FUT8: variants seen among roughly 807,000 people sequenced by gnomAD.
The protein encoded by FUT8 is fucosyltransferase 8, also known as alpha-(1,6)-fucosyltransferase.
Under a neutral mutation model 71.3 loss-of-function variants are expected in FUT8, and 29 were observed. That is an observed-to-expected ratio of 0.41 (90% confidence interval 0.30 to 0.55). The LOEUF is 0.55. Ranked by LOEUF, FUT8 falls within the 20% of genes least tolerant of loss-of-function variation. The pLI is 0.34. For synonymous variants in FUT8, 254 were observed against 239.3 expected (o/e 1.06, Z -0.57); for missense variants, 544 against 702.1 (o/e 0.77, Z 2.55).
chr14:65,403,410 GA>G, the FUT8 span, among the ~76,000 whole-genome samples: 1 of 152,070 alleles, frequency 6.6e-6, no homozygotes, highest in African/African-American at 2.4e-5. Context: ...ATGGAAACTA[GA>G]AGATCCTGAC....
chr14:65,488,459 A>G (rs1281763593), intron 2 of FUT8: 1 of 152,088 alleles, frequency 6.6e-6, no homozygotes, highest in African/African-American at 2.4e-5. Flanking sequence ...ATTCTCTTCT[A>G]CCTTTTTAAT....
intron 3 of FUT8, among the ~76,000 whole-genome samples, chr14:65,563,976 C>A (rs1039501692): frequency 4.6e-5 from 7 of 151,862 alleles, no homozygotes; most frequent in African/African-American, 1.7e-4. Context: ...GCAAATAGGC[C>A]CATGTTTATA....
Position 65,620,178 on chromosome 14 carries a change from A to AT in FUT8, c.482+3813dup, listed in dbSNP as rs547305378. 3.9e-3 allele frequency among the ~76,000 whole-genome samples: 591 copies of AT among 151,738 alleles called. 4 individuals carry two copies. Among genetic ancestry groups the AT allele is most frequent in the African/African-American group, 0.014 (559 of 41,360 alleles). On this transcript the variant is annotated intron_variant, in intron 5 of 10. Transcript: ENST00000673929. ...TTTAAATTTATTCATTTATTTTATTATTTTTTTTACCAAGTTCTGTTTATG... is the reference window on the plus strand; with the variant it reads ...TTTAAATTTATTCATTTATTTTATTATTTTTTTTTACCAAGTTCTGTTTATG...
At chr14:65,539,482 T>C (rs916723412) in intron 2 of FUT8, among the ~76,000 whole-genome samples, 6 of 152,250 alleles carry the variant, frequency 3.9e-5, no homozygotes, top group African/African-American at 9.6e-5. Flanking sequence ...GAGTGGACTC[T>C]AGAGCTAGCT....
intron 7 of FUT8, among the ~76,000 whole-genome samples, chr14:65,699,158 AC>A (rs1470491094): frequency 1.8e-4 from 16 of 90,940 alleles, no homozygotes; most frequent in African/African-American, 6.0e-4. Flanking sequence ...ACACACACAC[AC>A]ACACACACAC....
intron 6 of FUT8, among the ~76,000 whole-genome samples, chr14:65,648,513 A>G (rs905202884): frequency 1.3e-5 from 2 of 152,218 alleles, no homozygotes; most frequent in African/African-American, 4.8e-5. Flanking sequence ...GTACTCAGGA[A>G]TATACCCCTT....
intron 5 of FUT8, 102 bp downstream of exon 5, chr14:65,616,475 T>C: frequency 1.0e-6 from 1 of 1,000,692 alleles, no homozygotes. Context: ...TAAATATTAA[T>C]AGCACCTACA....
At chr14:65,538,467 C>A (rs1310982861) in intron 2 of FUT8, among the ~76,000 whole-genome samples, 1 of 152,142 alleles carries the variant, frequency 6.6e-6, no homozygotes, top group Non-Finnish European at 1.5e-5. Context: ...ATGTCCTGGT[C>A]CCTCAGTTAG....
intron 1 of FUT8, among the ~76,000 whole-genome samples, chr14:65,434,258 C>T (rs559865955): frequency 4.6e-5 from 7 of 152,334 alleles, no homozygotes; most frequent in Middle Eastern, 3.4e-3. Flanking sequence ...ATGCTGTCTT[C>T]AGAGTATTCT....
At chr14:65,696,961 C>A (rs1404860035) in intron 7 of FUT8, among the ~76,000 whole-genome samples, 2 of 151,944 alleles carry the variant, frequency 1.3e-5, no homozygotes, top group Non-Finnish European at 2.9e-5. Flanking sequence ...GCATGTTGTC[C>A]ATTTGTTTAT....
intron 7 of FUT8, among the ~76,000 whole-genome samples, chr14:65,702,646 G>A (rs889912562): frequency 5.3e-5 from 8 of 152,050 alleles, no homozygotes; most frequent in Admixed American, 1.3e-4. Context: ...TAGGAGTATC[G>A]TAAAATGATT....
intron 3 of FUT8, among the ~76,000 whole-genome samples, chr14:65,584,196 GA>G (rs1887251281): frequency 1.2e-5 from 1 of 86,936 alleles, no homozygotes; most frequent in Non-Finnish European, 2.3e-5. Flanking sequence ...TTTTTTTTTT[GA>G]GACAGAGTTT....
chr14:65,556,530 T>G (rs189258433), intron 2 of FUT8, among the ~76,000 whole-genome samples: 1 of 152,272 alleles, frequency 6.6e-6, no homozygotes, highest in East Asian at 1.9e-4. Flanking sequence ...AGGGACAATG[T>G]GAGCAAGACA....
At chr14:65,742,067 C>A in intron 10 of FUT8, 26 bp from the exon 11 acceptor site, 1 of 1,591,862 alleles carries the variant, frequency 6.3e-7, no homozygotes. Flanking sequence ...TATATACTAA[C>A]AATTTCTTTT....
intron 3 of FUT8, among the ~76,000 whole-genome samples, chr14:65,577,856 A>T (rs1322911267): frequency 6.6e-6 from 1 of 152,152 alleles, no homozygotes; most frequent in Non-Finnish European, 1.5e-5. Context: ...TTTATTTCTC[A>T]TAATTCTTCT....
chr14:65,680,146 A>G (rs1892968198), intron 7 of FUT8, among the ~76,000 whole-genome samples: 1 of 152,216 alleles, frequency 6.6e-6, no homozygotes, highest in Non-Finnish European at 1.5e-5. Flanking sequence ...GCCATCTGCA[A>G]GCTGGAGACC....
Position 65,472,956 on chromosome 14 carries a change from A to G in FUT8, c.-228+17238A>G, listed in dbSNP as rs1428786539. ...GAAAACTTTACATTGAAAAGATCAC[A>G]TTATAGATAATTTAGACAACTTATT... On this transcript the variant is annotated intron_variant, in intron 2 of 10. Transcript: ENST00000673929. The surrounding 1 kb of genome is among the most constrained non-coding windows in gnomAD (Gnocchi z 4.4). Among the ~76,000 whole-genome samples the G allele has an allele frequency of 6.6e-6, 1 of 152,138 alleles. No individual in the cohort carries two copies. Among genetic ancestry groups the G allele is most frequent in the Non-Finnish European group, 1.5e-5 (1 of 67,988 alleles).
At position 65,724,236 on chromosome 14, in the gene FUT8, A is replaced by G; in HGVS notation, c.1172A>G (p.Gln391Arg). 4 of 1,613,602 alleles carry G rather than the reference A, an allele frequency of 2.5e-6. No homozygotes were observed. The South Asian group carries it at 3.3e-5, about 13-fold the overall frequency. The change falls in exon 9 of 11, where the codon CAG (glutamine) becomes CGG (arginine). Residue 391 changes from glutamine to arginine, a missense_variant. Physicochemically the swap from Gln to Arg is conservative, Grantham distance 43. Transcript: ENST00000673929. Reference protein sequence around the residue: ...EYMVHVEEHFQLLARRMQVDK... With the variant: ...EYMVHVEEHFRLLARRMQVDK... ...ATGGTGCATGTTGAAGAACATTTTC[A>G]GCTTCTTGCACGCAGAATGCAAGTG... is the stretch of plus-strand genomic sequence containing the variant.
chr14:65,671,385 G>C lies in FUT8; in HGVS notation c.835+1905G>C, dbSNP rs1408183419. On this transcript the variant is annotated intron_variant, in intron 7 of 10. Transcript: ENST00000673929. Reference sequence around the variant, plus strand: ...ACATGGCTTGAATTTCAAACACTCAGAATTTCTTAATGTTACAACTAAAGA... The same window carrying C: ...ACATGGCTTGAATTTCAAACACTCACAATTTCTTAATGTTACAACTAAAGA... Among the ~76,000 whole-genome samples, 3 of 152,124 alleles carry C rather than the reference G, an allele frequency of 2.0e-5. No individual in the cohort carries two copies. The East Asian group carries it at 5.8e-4, about 29-fold the overall frequency.
Sources: allele counts gnomAD v4.1 joint callset (sites outside exome capture counted in the v4.1 genomes callset), GRCh38; gene constraint gnomAD v4.1.1; non-coding constraint Gnocchi (gnomAD v3.1); transcripts MANE v1.5; gene names NCBI Gene and HGNC (gene_info 2026-07-23, HGNC 2026-07-21).